The following NALCN variants were observed in gnomAD, a reference collection of about 807,000 sequenced individuals.
NALCN encodes the protein sodium leak channel NALCN.
A neutral mutation model predicts 225.3 loss-of-function variants in NALCN; 111 were observed. The ratio of observed to expected loss-of-function variants is 0.49; its 90% confidence interval spans 0.42 to 0.58. The LOEUF (loss-of-function observed/expected upper bound fraction) is 0.58, where lower values mean the gene tolerates loss of function less well. Among genes scored for constraint, NALCN ranks in the 20% least tolerant of loss-of-function variants. The pLI is 0.00. For synonymous variants in NALCN, 764 were observed against 769.0 expected, an observed-to-expected ratio of 0.99 and a Z score of 0.11; for missense variants, 1,378 against 2,202.4, an observed-to-expected ratio of 0.63 and a Z score of 7.49.
intron 37 of NALCN, among the ~76,000 whole-genome samples, chr13:101,073,156 G>T (rs1358071913): frequency 2.6e-5 from 4 of 152,152 alleles, no homozygotes; most frequent in African/African-American, 9.7e-5. Flanking sequence ...ATACTTTATA[G>T]TATAAAGGAA....
chr13:101,397,065 A>ATT (rs202082788), intron 2 of NALCN, among the ~76,000 whole-genome samples: 821 of 68,386 alleles, frequency 0.012, 13 homozygotes, highest in East Asian at 0.052. Flanking sequence ...CTATGAATGT[A>ATT]TTATATATAT....
chr13:101,320,636 A>T (rs953734229), intron 7 of NALCN, among the ~76,000 whole-genome samples: 1 of 152,162 alleles, frequency 6.6e-6, no homozygotes. Flanking sequence ...CAAGACACCG[A>T]GTATAAGGAA....
chr13:101,119,432 C>T (rs745632572), intron 18 of NALCN, among the ~76,000 whole-genome samples: 3 of 152,122 alleles, frequency 2.0e-5, no homozygotes, highest in East Asian at 1.9e-4. Flanking sequence ...AAACATCATA[C>T]GAGACTGAGC....
chr13:101,077,699 T>C (rs953990767), intron 34 of NALCN, among the ~76,000 whole-genome samples: 2 of 152,220 alleles, frequency 1.3e-5, no homozygotes, highest in Admixed American at 1.3e-4. Context: ...AGTCTGATGA[T>C]TTTTATAGAA....
At chr13:101,107,849 T>C in intron 20 of NALCN, 60 bp from the exon 21 acceptor site, 1 of 1,398,362 alleles carries the variant, frequency 7.2e-7, no homozygotes. Context: ...CAAAATATAT[T>C]ATCAGTTAAA....
intron 11 of NALCN, among the ~76,000 whole-genome samples, chr13:101,251,448 T>G (rs2042059616): frequency 6.6e-6 from 1 of 152,148 alleles, no homozygotes; most frequent in South Asian, 2.1e-4. Flanking sequence ...ACTCTACTAA[T>G]GATGTTTTAT....
intron 35 of NALCN, 23 bp downstream of exon 35, chr13:101,075,850 A>T: frequency 6.3e-7 from 1 of 1,583,258 alleles, no homozygotes; most frequent in South Asian, 1.2e-5. Context: ...CCTTTAAGAT[A>T]AGATTCTTAA....
At chr13:101,226,203 A>C (rs1435819179) in intron 13 of NALCN, among the ~76,000 whole-genome samples, 1 of 152,038 alleles carries the variant, frequency 6.6e-6, no homozygotes, top group African/African-American at 2.4e-5. Flanking sequence ...TCCAACCCTA[A>C]GATAAACCCC....
chr13:101,258,687 G>A (rs1262247612), intron 10 of NALCN, 113 bp from the exon 11 acceptor site: 23 of 1,437,432 alleles, frequency 1.6e-5, no homozygotes, highest in Non-Finnish European at 2.2e-5. Context: ...ATGCAAAACA[G>A]GGCTTCCAAG....
At position 101,229,571 on chromosome 13, in the gene NALCN, A is replaced by C; in HGVS notation, c.1448T>G (p.Val483Gly). The C allele has an allele frequency of 6.3e-7, 1 of 1,594,756 alleles. No homozygotes were observed. Among genetic ancestry groups the C allele is most frequent in the Non-Finnish European group, 8.5e-7 (1 of 1,171,740 alleles). The stretch of plus-strand genomic sequence containing the variant: ...TGCAGGTGAAATCTTAATCAGCCGA[A>C]CTACTCGGAGAACCTATCAAGGGAG... The part of the protein sequence containing the change: ...QFTYFQVLRV[V>G]RLIKISPALE... The change falls in exon 13 of 44, where the codon GTT becomes GGT. Residue 483 changes from valine (V) to glycine (G), a missense_variant. By Grantham distance (109) the Val-to-Gly change is moderately radical. Transcript: ENST00000251127.
chr13:101,387,518 T>C (rs1375658097), intron 3 of NALCN, among the ~76,000 whole-genome samples: 3 of 152,196 alleles, frequency 2.0e-5, no homozygotes, highest in African/African-American at 4.8e-5. Flanking sequence ...TATTTATGTA[T>C]GAAAAAATAC....
At chr13:101,356,202 G>C (rs1012172990) in intron 6 of NALCN, among the ~76,000 whole-genome samples, 1 of 152,006 alleles carries the variant, frequency 6.6e-6, no homozygotes, top group African/African-American at 2.4e-5. Context: ...GATCAGAGCA[G>C]AATTGAAGGA....
At chr13:101,349,515 C>T (rs2045843902) in intron 6 of NALCN, among the ~76,000 whole-genome samples, 1 of 152,146 alleles carries the variant, frequency 6.6e-6, no homozygotes, top group South Asian at 2.1e-4. Flanking sequence ...AACCTAACTC[C>T]ATGAATCACT....
At chr13:101,190,765 T>C (rs2039648386) in intron 14 of NALCN, among the ~76,000 whole-genome samples, 1 of 152,214 alleles carries the variant, frequency 6.6e-6, no homozygotes, top group Non-Finnish European at 1.5e-5. Context: ...ATATTTAGAA[T>C]TAAAACTGAC....
At chr13:101,241,525 CT>C (rs958534196) in intron 11 of NALCN, among the ~76,000 whole-genome samples, 2 of 152,128 alleles carry the variant, frequency 1.3e-5, no homozygotes, top group African/African-American at 4.8e-5. Context: ...TCACTGGGAC[CT>C]CTGCCTCCCA....
intron 33 of NALCN, among the ~76,000 whole-genome samples, 158 bp from the exon 34 acceptor site, chr13:101,081,804 C>T (rs888395311): frequency 3.3e-5 from 5 of 152,136 alleles, no homozygotes; most frequent in Admixed American, 3.3e-4. Context: ...GAAAATGAGA[C>T]AAACACTTTA....
intron 6 of NALCN, among the ~76,000 whole-genome samples, chr13:101,364,960 C>T (rs1334152928): frequency 6.6e-6 from 1 of 152,084 alleles, no homozygotes; most frequent in East Asian, 1.9e-4. Context: ...TTTACATATT[C>T]TACAAAACTG....
chr13:101,125,390 C>G (rs898052282), intron 17 of NALCN, among the ~76,000 whole-genome samples: 1 of 152,068 alleles, frequency 6.6e-6, no homozygotes, highest in African/African-American at 2.4e-5. Context: ...TAATAAATAA[C>G]TAGAATAAAT....
chr13:101,270,298 C>A (rs977543885), intron 10 of NALCN, among the ~76,000 whole-genome samples: 1 of 152,182 alleles, frequency 6.6e-6, no homozygotes, highest in Non-Finnish European at 1.5e-5. Flanking sequence ...GGTGACACGA[C>A]GCCATGATGG....
Sources: gnomAD v4.1 joint callset for allele counts (sites outside exome capture counted in the v4.1 genomes callset) on GRCh38, gnomAD v4.1.1 for gene constraint, MANE v1.5 for transcripts, NCBI Gene and HGNC (gene_info 2026-07-23, HGNC 2026-07-21) for gene names.